CATSPERE: variants seen among roughly 807,000 people sequenced by gnomAD.
CATSPERE encodes the protein catsper channel auxiliary subunit epsilon, also known as cation channel sperm-associated auxiliary subunit epsilon.
Under a neutral mutation model 114.1 loss-of-function variants are expected in CATSPERE, and 93 were observed. The ratio of observed to expected loss-of-function variants is 0.81; its 90% CI spans 0.69 to 0.97. The LOEUF (loss-of-function observed/expected upper bound fraction) is 0.97. Ranked by LOEUF, CATSPERE falls within the 50% of genes least tolerant of loss-of-function variation. CATSPERE has a pLI of 0.00. For missense variants in CATSPERE, 1,058 were observed against 1,131.6 expected, an observed-to-expected ratio of 0.93 and a Z score of 0.93; for synonymous variants, 341 against 384.1, an observed-to-expected ratio of 0.89 and a Z score of 1.31.
chr1:244,556,290 A>G (rs575215099), intron 9 of CATSPERE, among the ~76,000 whole-genome samples: 66 of 150,752 alleles, frequency 4.4e-4, no homozygotes, highest in Non-Finnish European at 9.1e-4. Flanking sequence ...AAAAAATTCA[A>G]TGAACTAAAA....
At chr1:244,490,303 A>G (rs1031884308) in intron 5 of CATSPERE, 144 bp from the exon 6 acceptor site, 2 of 529,014 alleles carry the variant, frequency 3.8e-6, no homozygotes, top group East Asian at 6.6e-5. Flanking sequence ...TTTTGTTTTT[A>G]CATTTAGCCT....
chr1:244,465,038 CT>C (rs1205339880), intron 2 of CATSPERE, among the ~76,000 whole-genome samples: 155 of 141,042 alleles, frequency 1.1e-3, no homozygotes, highest in East Asian at 1.4e-3. Context: ...TTGGAGGCTC[CT>C]TTTTTTTTTT....
chr1:244,454,625 T>C (rs1205003860), intron 1 of CATSPERE: 1 of 151,676 alleles, frequency 6.6e-6, no homozygotes, highest in Non-Finnish European at 1.5e-5. Flanking sequence ...TATGAAATTC[T>C]TACCGGACCG....
chr1:244,625,409 T>TTA (rs1673013598), intron 20 of CATSPERE, among the ~76,000 whole-genome samples: 1 of 10,592 alleles, frequency 9.4e-5, no homozygotes, highest in Non-Finnish European at 2.0e-4. Context: ...TTATTATTTA[T>TTA]ATATATATAT....
chr1:244,531,079 ATT>A (rs1373199709), intron 8 of CATSPERE, among the ~76,000 whole-genome samples: 18,055 of 151,068 alleles, frequency 0.12, 1,783 homozygotes, highest in African/African-American at 0.27. Context: ...AATAAAAAAA[ATT>A]TAAAAAAAGC....
intron 4 of CATSPERE, 71 bp from the exon 5 acceptor site, chr1:244,479,646 C>T (rs2148159826): frequency 1.2e-6 from 1 of 864,214 alleles, no homozygotes; most frequent in Middle Eastern, 2.3e-4. Context: ...TCTGTGACTT[C>T]TGTGGCTATA....
At chr1:244,603,037 C>T (rs1195106940) in intron 17 of CATSPERE, among the ~76,000 whole-genome samples, 1 of 152,038 alleles carries the variant, frequency 6.6e-6, no homozygotes, top group African/African-American at 2.4e-5. Flanking sequence ...AAATTGGCTA[C>T]TTTGAATAAT....
At chr1:244,574,390 G>T (rs915936063) in intron 11 of CATSPERE, among the ~76,000 whole-genome samples, 1 of 152,122 alleles carries the variant, frequency 6.6e-6, no homozygotes, top group African/African-American at 2.4e-5. Context: ...AAGTAAGGAG[G>T]CTTGAAGGCT....
At chr1:244,502,548 T>C (rs1674216729) in intron 7 of CATSPERE, among the ~76,000 whole-genome samples, 1 of 152,156 alleles carries the variant, frequency 6.6e-6, no homozygotes, top group South Asian at 2.1e-4. Flanking sequence ...AGTTAGCAGT[T>C]TTTCTGTCTC....
At chr1:244,525,663 T>C (rs1678467829) in intron 8 of CATSPERE, among the ~76,000 whole-genome samples, 1 of 152,190 alleles carries the variant, frequency 6.6e-6, no homozygotes, top group African/African-American at 2.4e-5. Flanking sequence ...ACAAGCTCAA[T>C]ACCACTGTAT....
chr1:244,529,795 C>G (rs1402146328), intron 8 of CATSPERE, among the ~76,000 whole-genome samples: 1 of 152,068 alleles, frequency 6.6e-6, no homozygotes, highest in Admixed American at 6.5e-5. Context: ...TTTGCCCACT[C>G]CAATGTTCTG....
At chr1:244,559,837 C>T (rs559159309) in intron 9 of CATSPERE, among the ~76,000 whole-genome samples, 6 of 151,914 alleles carry the variant, frequency 3.9e-5, no homozygotes, top group Non-Finnish European at 7.4e-5. Flanking sequence ...TTAGTCCTAC[C>T]GATAGAAACA....
rs886287452 is a variant in CATSPERE at position 244,622,966 on chromosome 1, T to C, written c.2648+5280T>C. 6.6e-5 allele frequency among the ~76,000 whole-genome samples: 10 copies of C among 152,332 alleles called. No individual in the cohort carries two copies. In the South Asian group the frequency reaches 1.2e-3, roughly 19 times the overall value. ...AAGTGTCCTAGGTAGCCAGTAATTA[T>C]GATTACCCTCATAATAAATAGCAGC... On this transcript the variant is annotated intron_variant, in intron 20 of 21. Transcript: ENST00000366534.
chr1:244,559,067 T>C (rs1269991572), intron 9 of CATSPERE, among the ~76,000 whole-genome samples: 1 of 152,198 alleles, frequency 6.6e-6, no homozygotes, highest in Non-Finnish European at 1.5e-5. Flanking sequence ...TGCCGAAGCA[T>C]TAAGTGGAGT....
intron 9 of CATSPERE, among the ~76,000 whole-genome samples, chr1:244,556,822 A>G (rs1661650112): frequency 6.6e-6 from 1 of 152,194 alleles, no homozygotes; most frequent in South Asian, 2.1e-4. Context: ...GCTGCAGGTT[A>G]CAAAATCAAC....
At chr1:244,491,707 A>G (rs1251292327) in intron 6 of CATSPERE, among the ~76,000 whole-genome samples, 1 of 150,666 alleles carries the variant, frequency 6.6e-6, no homozygotes, top group East Asian at 1.9e-4. Flanking sequence ...CAAGACTAAT[A>G]AAGAAGAAAA....
intron 2 of CATSPERE, among the ~76,000 whole-genome samples, chr1:244,467,007 A>T (rs1256191769): frequency 6.6e-6 from 1 of 152,222 alleles, no homozygotes; most frequent in Admixed American, 6.5e-5. Context: ...CAGCTCCTGC[A>T]ATCTAGGGAT....
chr1:244,606,992 C>T (rs1670097381), intron 18 of CATSPERE, among the ~76,000 whole-genome samples: 4 of 152,166 alleles, frequency 2.6e-5, no homozygotes, highest in Admixed American at 2.6e-4. Flanking sequence ...TTCTCCTGGT[C>T]TGCTTCCTCT....
At chr1:244,475,451 C>T (rs964783725) in intron 2 of CATSPERE, among the ~76,000 whole-genome samples, 3 of 151,900 alleles carry the variant, frequency 2.0e-5, no homozygotes, top group South Asian at 2.1e-4. Context: ...CCAGACTGGT[C>T]TCGAACTCCT....
Sources: gnomAD v4.1 joint callset for allele counts (sites outside exome capture counted in the v4.1 genomes callset) on GRCh38, gnomAD v4.1.1 for gene constraint, MANE v1.5 for transcripts, NCBI Gene and HGNC (gene_info 2026-07-23, HGNC 2026-07-21) for gene names.